Variants in ZFAT observed in about 807,000 individuals in gnomAD.
The protein encoded by ZFAT is zinc finger and AT-hook domain containing.
ZFAT carries 64 observed loss-of-function variants against 117.7 expected under a neutral mutation model. The observed-to-expected ratio is 0.54, with a 90% CI of 0.44 to 0.67. The LOEUF (loss-of-function observed/expected upper bound fraction) is 0.67. Among genes scored for constraint, ZFAT ranks in the 30% least tolerant of loss-of-function variants. The pLI, the probability that ZFAT is intolerant of heterozygous loss-of-function variation, is 0.00. For synonymous variants in ZFAT, 679 were observed against 615.0 expected (o/e 1.10, Z -1.54); for missense variants, 1,433 against 1,584.5 (o/e 0.90, Z 1.62).
chr8:134,622,636 TC>T (rs1010370887), intron 3 of ZFAT, among the ~76,000 whole-genome samples: 1 of 151,530 alleles, frequency 6.6e-6, no homozygotes, highest in Non-Finnish European at 1.5e-5. Flanking sequence ...ACGTCGCCCC[TC>T]CCCCCTCTCC....
chr8:134,502,175 C>G (rs1369786651), intron 15 of ZFAT, among the ~76,000 whole-genome samples: 1 of 152,228 alleles, frequency 6.6e-6, no homozygotes, highest in African/African-American at 2.4e-5. Context: ...CATCTGCCCC[C>G]CGATGGGAGG....
chr8:134,809,558 T>G, the ZFAT span, among the ~76,000 whole-genome samples: 2 of 152,250 alleles, frequency 1.3e-5, no homozygotes, highest in Non-Finnish European at 2.9e-5. Flanking sequence ...ACCTTAATTG[T>G]GATTACAAAT....
intron 10 of ZFAT, chr8:134,565,784 A>T (rs537322524): frequency 7.9e-5 from 26 of 328,954 alleles, no homozygotes; most frequent in South Asian, 6.8e-4. Context: ...AATGGACCAC[A>T]GGGTGCTCAG....
At position 134,708,258 on chromosome 8, in the gene ZFAT, C is replaced by T. The variant is rs140613287; in HGVS notation, c.19+4587G>A. ...AGAGGAATCGTTTTTTTCTTTGAGA[C>T]ATATTGCACAGCATGGTGAATACAG... On this transcript the variant is annotated intron_variant, in intron 1 of 15. Coordinates refer to ENST00000377838, the MANE Select transcript of ZFAT (RefSeq NM_020863.4). Among the ~76,000 whole-genome samples the T allele has an allele frequency of 5.0e-3, 768 of 152,232 alleles. 6 individuals are homozygous for T. Among genetic ancestry groups the T allele is most frequent in the African/African-American group, 0.018 (735 of 41,546 alleles).
intron 15 of ZFAT, among the ~76,000 whole-genome samples, chr8:134,486,510 C>T (rs1331391248): frequency 6.6e-6 from 1 of 152,266 alleles, no homozygotes; most frequent in East Asian, 1.9e-4. Context: ...ACAGCCCTCT[C>T]GTAGATGTCA....
At chr8:134,818,687 T>A in the ZFAT span, among the ~76,000 whole-genome samples, 1 of 152,302 alleles carries the variant, frequency 6.6e-6, no homozygotes, top group African/African-American at 2.4e-5. Flanking sequence ...AACACTGGAA[T>A]CAACCCAAAT....
intron 1 of ZFAT, among the ~76,000 whole-genome samples, chr8:134,672,588 A>C (rs1228428893): frequency 6.6e-6 from 1 of 152,232 alleles, no homozygotes; most frequent in East Asian, 1.9e-4. Flanking sequence ...GCCAAGACAC[A>C]TCATAATCAA....
chr8:134,562,893 G>T (rs1223259083), intron 11 of ZFAT, among the ~76,000 whole-genome samples: 1 of 152,186 alleles, frequency 6.6e-6, no homozygotes, highest in Non-Finnish European at 1.5e-5. Context: ...CAAAAAGGCT[G>T]TTTCAGCTAG....
At chr8:134,813,559 T>TG in the ZFAT span, among the ~76,000 whole-genome samples, 1 of 152,108 alleles carries the variant, frequency 6.6e-6, no homozygotes, top group South Asian at 2.1e-4. Flanking sequence ...ATTACAGGTG[T>TG]GGGCCACCAC....
At chr8:134,699,894 G>A (rs1833965233) in intron 1 of ZFAT, among the ~76,000 whole-genome samples, 2 of 152,202 alleles carry the variant, frequency 1.3e-5, no homozygotes, top group Admixed American at 6.5e-5. Context: ...CAGGAGCCTC[G>A]GCTCAGGCAG....
chr8:134,822,918 T>TA, the ZFAT span, among the ~76,000 whole-genome samples: 1 of 152,076 alleles, frequency 6.6e-6, no homozygotes, highest in Non-Finnish European at 1.5e-5. Context: ...TTCAGATTTT[T>TA]AAAAAATCTA....
chr8:134,510,220 G>A (rs2289548), intron 14 of ZFAT: 5 of 444,396 alleles, frequency 1.1e-5, no homozygotes, highest in South Asian at 6.2e-5. Context: ...ATTATTCAAC[G>A]AGTAGGCTTT....
In ZFAT at chr8:134,478,577, G is replaced by A. The variant is rs1200202197; in HGVS notation, c.3637C>T (p.Gln1213Ter). The A allele has an allele frequency of 6.3e-7, 1 of 1,594,390 alleles. No individual in the cohort carries two copies. Among genetic ancestry groups the A allele is most frequent in the Non-Finnish European group, 8.5e-7 (1 of 1,170,916 alleles). ...ATGAACTCCGAGGCCTCCCCGCCCT[G>A]CGTGTAGACAGTCACCGTCTCAATG... is the stretch of plus-strand genomic sequence containing the variant. ...EGIETVTVYT[Q>*]GGEASEFIVY... The change falls in exon 16 of 16, where the codon CAG becomes TAG. Residue 1213 changes from glutamine to a stop codon, truncating the protein, a stop_gained. Transcript: ENST00000377838. LOFTEE classifies it high-confidence loss of function. The surrounding 1 kb of genome is among the most constrained non-coding windows in gnomAD (Gnocchi z 5.2).
At chr8:134,808,303 A>G in the ZFAT span, among the ~76,000 whole-genome samples, 602 of 152,326 alleles carry the variant, frequency 4.0e-3, 4 homozygotes, top group African/African-American at 0.014. Flanking sequence ...CACTGCCTAG[A>G]AGGTTGAGAC....
chr8:134,800,663 T>C, the ZFAT span: 1 of 404,840 alleles, frequency 2.5e-6, no homozygotes. Flanking sequence ...CGTAAGACTC[T>C]GTTGAAAAAA....
chr8:134,543,599 A>G (rs1355486705), intron 11 of ZFAT, among the ~76,000 whole-genome samples: 3 of 152,190 alleles, frequency 2.0e-5, no homozygotes, highest in Admixed American at 6.5e-5. Flanking sequence ...GCTCTATTCT[A>G]CTGAGTTCCT....
intron 10 of ZFAT, among the ~76,000 whole-genome samples, chr8:134,571,569 A>C (rs1476113983): frequency 6.6e-6 from 1 of 152,156 alleles, no homozygotes; most frequent in Non-Finnish European, 1.5e-5. Context: ...AAACACCAAG[A>C]CCCCAGAAAC....
chr8:134,749,455 T>C, the ZFAT span, among the ~76,000 whole-genome samples: 1 of 152,184 alleles, frequency 6.6e-6, no homozygotes, highest in East Asian at 1.9e-4. Flanking sequence ...TGTATTCACA[T>C]GGTAGAAGGG....
chr8:134,493,285 C>T (rs926932006), intron 15 of ZFAT, among the ~76,000 whole-genome samples: 5 of 152,170 alleles, frequency 3.3e-5, no homozygotes, highest in Admixed American at 6.5e-5. Flanking sequence ...ACCTGCAACA[C>T]GGACTTGTCC....
Sources: gnomAD v4.1 joint callset for allele counts (sites outside exome capture counted in the v4.1 genomes callset) on GRCh38, gnomAD v4.1.1 for gene constraint, Gnocchi (gnomAD v3.1) non-coding constraint, MANE v1.5 for transcripts, NCBI Gene and HGNC (gene_info 2026-07-23, HGNC 2026-07-21) for gene names.